SPCS1: variants seen among roughly 807,000 people sequenced by gnomAD.
SPCS1 encodes the protein SPase 12 kDa subunit.
In SPCS1, 10 loss-of-function variants were observed where a neutral mutation model predicts 16.4. The ratio of observed to expected loss-of-function variants is 0.61; its 90% confidence interval spans 0.38 to 1.03. The LOEUF is 1.03. Among genes scored for constraint, SPCS1 ranks in the 50% least tolerant of loss-of-function variants. The probability of loss-of-function intolerance (pLI) is 0.01; values close to 1 mark genes in which losing one functional copy is unlikely to be tolerated. For synonymous variants in SPCS1, 47 were observed against 42.5 expected, an observed-to-expected ratio of 1.10 and a Z score of -0.41; for missense variants, 118 against 123.8, an observed-to-expected ratio of 0.95 and a Z score of 0.22.
At chr3:52,707,567 T>A in intron 3 of SPCS1, 120 bp from the exon 4 acceptor site, 1 of 813,560 alleles carries the variant, frequency 1.2e-6, no homozygotes, top group Non-Finnish European at 1.7e-6. Flanking sequence ...GAATATGGAT[T>A]TTTTTTTTTG....
chr3:52,706,623 T>C, intron 1 of SPCS1, 21 bp from the exon 2 acceptor site: 1 of 1,612,584 alleles, frequency 6.2e-7, no homozygotes, highest in Non-Finnish European at 8.5e-7. Flanking sequence ...CCAATTCTTT[T>C]TTTCCTCTGC....
Position 52,710,049 on chromosome 3 carries a change from A to G in SPCS1, c.*2237A>G, listed in dbSNP as rs1226152379. The G allele has an allele frequency of 6.6e-6, 1 of 152,238 alleles. No homozygotes were observed. The highest frequency in any genetic ancestry group is 1.5e-5 in the Non-Finnish European group (1 of 68,086). 9.4% of individuals were successfully genotyped at this position (152,238 alleles called of 1,614,324 possible). On this transcript the variant is annotated 3_prime_UTR_variant, in exon 4 of 4. Coordinates refer to ENST00000619898, the MANE Select transcript of SPCS1 (RefSeq NM_014041.5). ...CAGCTCCTGGCAGAGAACCTGGCAC[A>G]CAGTAAACTCTAAATAAAAATCTGT...
rs1163028453 is a variant in SPCS1 at position 52,709,899 on chromosome 3, G to C, written c.*2087G>C. ...AAGATTTGTTCCCAACTGGGCATTG[G>C]GACTTGATGGTTTTGCAAGTTGAGT... On this transcript the variant is annotated 3_prime_UTR_variant, in exon 4 of 4. Coordinates refer to ENST00000619898, the MANE Select transcript of SPCS1 (RefSeq NM_014041.5). The C allele has an allele frequency of 1.3e-5, 2 of 152,094 alleles. No homozygotes were observed. The highest frequency in any genetic ancestry group is 3.9e-4 in the East Asian group (2 of 5,192). 9.4% of individuals were successfully genotyped at this position (152,094 alleles called of 1,614,324 possible). A position where few individuals can be genotyped will look rare whatever the true frequency, so the allele number is the denominator to read the frequency against.
In SPCS1 at chr3:52,706,120, C is replaced by A; in HGVS notation, c.-127C>A. 6.5e-7 allele frequency: 1 copy of A among 1,539,884 alleles called. No individual in the cohort carries two copies. Among genetic ancestry groups the A allele is most frequent in the Non-Finnish European group, 8.7e-7 (1 of 1,146,784 alleles). On this transcript the variant is annotated 5_prime_UTR_variant, in exon 1 of 4. Coordinates refer to ENST00000619898, the MANE Select transcript of SPCS1 (RefSeq NM_014041.5). ...CTTCCGGGGCCGCCGCCATCGCTCT[C>A]CCGGGCTTAGAAGGCCCGGCTACTG... is the stretch of plus-strand genomic sequence containing the variant.
intron 3 of SPCS1, chr3:52,707,476 T>C (rs565826236): frequency 2.1e-6 from 1 of 486,710 alleles, no homozygotes; most frequent in South Asian, 3.1e-5. Context: ...TTTTAGGTCT[T>C]AAAGCCATTT....
intron 1 of SPCS1, 91 bp from the exon 2 acceptor site, chr3:52,706,553 G>T: frequency 8.1e-7 from 1 of 1,236,972 alleles, no homozygotes; most frequent in Non-Finnish European, 1.2e-6. Context: ...CTGATGTTGG[G>T]GTTACCCTGT....
At chr3:52,706,760 T>C in intron 2 of SPCS1, 33 bp from the exon 3 acceptor site, 1 of 1,610,574 alleles carries the variant, frequency 6.2e-7, no homozygotes, top group Non-Finnish European at 8.5e-7. Flanking sequence ...ACCCTCAGTT[T>C]GAGTGTGTTT....
In SPCS1 at chr3:52,708,327, G is replaced by T. The variant is rs1328140865; in HGVS notation, c.*515G>T. On this transcript the variant is annotated 3_prime_UTR_variant, in exon 4 of 4. Coordinates refer to ENST00000619898, the MANE Select transcript of SPCS1 (RefSeq NM_014041.5). Reference sequence around the variant, plus strand: ...GCAGGAGGATGACTTGAGCCCAGGAGTTTGAGACATTTCATGGTATGTAAT... The same window carrying T: ...GCAGGAGGATGACTTGAGCCCAGGATTTTGAGACATTTCATGGTATGTAAT... The T allele has an allele frequency of 1.3e-5, 2 of 153,502 alleles. No individual in the cohort carries two copies. The highest frequency in any genetic ancestry group is 4.8e-5 in the African/African-American group (2 of 41,400). 9.5% of individuals were successfully genotyped at this position (153,502 alleles called of 1,614,324 possible). A position where few individuals can be genotyped will look rare whatever the true frequency, so the allele number is the denominator to read the frequency against.
chr3:52,709,863 C>T lies in SPCS1; in HGVS notation c.*2051C>T, dbSNP rs2097348661. 6.6e-6 allele frequency: 1 copy of T among 151,928 alleles called. No homozygotes were observed. Among genetic ancestry groups the T allele is most frequent in the Non-Finnish European group, 1.5e-5 (1 of 68,012 alleles). The allele number at this position is 151,928 out of a possible 1,614,324, so 9.4% of individuals were successfully genotyped here. Reference sequence around the variant, plus strand: ...GGAAAGGTGAATAGCTCAAGGATACCAAGTTTGCCAAAGATTTGTTCCCAA... The same window carrying T: ...GGAAAGGTGAATAGCTCAAGGATACTAAGTTTGCCAAAGATTTGTTCCCAA... On this transcript the variant is annotated 3_prime_UTR_variant, in exon 4 of 4. Transcript: ENST00000619898.
At position 52,706,130 on chromosome 3, in the gene SPCS1, G is replaced by T; in HGVS notation, c.-117G>T. ...CGCCGCCATCGCTCTCCCGGGCTTA[G>T]AAGGCCCGGCTACTGACGCGCAGTG... On this transcript the variant is annotated 5_prime_UTR_variant, in exon 1 of 4. Transcript: ENST00000619898. The T allele has an allele frequency of 6.5e-7, 1 of 1,540,520 alleles. No homozygotes were observed.
chr3:52,706,956 A>G (rs1323294695), intron 3 of SPCS1, 77 bp downstream of exon 3: 20 of 1,014,904 alleles, frequency 2.0e-5, no homozygotes, highest in Non-Finnish European at 3.0e-5. Context: ...CTCAGTAGTG[A>G]GACCCAAAGC....
At chr3:52,707,604 C>T in intron 3 of SPCS1, 83 bp from the exon 4 acceptor site, 1 of 1,445,114 alleles carries the variant, frequency 6.9e-7, no homozygotes. Context: ...GCATAGGAGT[C>T]ATTTGGGAAC....
In SPCS1 at chr3:52,707,685, A is replaced by T; in HGVS notation, c.184-2A>T. ...TTATGCATTTCCTCTTTTCTGGCCC[A>T]GCTGACACTTCCTCCATGGCCCATC... On this transcript the variant is annotated splice_acceptor_variant, in intron 3 of 3. Transcript: ENST00000619898. LOFTEE classifies it high-confidence loss of function. 6.2e-7 allele frequency: 1 copy of T among 1,613,204 alleles called. No homozygotes were observed. Among genetic ancestry groups the T allele is most frequent in the Non-Finnish European group, 8.5e-7 (1 of 1,179,696 alleles).
rs2097344439 is a variant in SPCS1 at position 52,706,142 on chromosome 3, A to G, written c.-105A>G. The G allele has an allele frequency of 1.3e-6, 2 of 1,541,412 alleles. No individual in the cohort carries two copies. Among genetic ancestry groups the G allele is most frequent in the Non-Finnish European group, 1.7e-6 (2 of 1,147,320 alleles). ...TCTCCCGGGCTTAGAAGGCCCGGCT[A>G]CTGACGCGCAGTGCCAGACCTTACC... On this transcript the variant is annotated 5_prime_UTR_variant, in exon 1 of 4. Coordinates refer to ENST00000619898, the MANE Select transcript of SPCS1 (RefSeq NM_014041.5).
Position 52,706,240 on chromosome 3 carries a change from G to C in SPCS1, c.-7G>C, listed in dbSNP as rs775889491. The C allele has an allele frequency of 1.3e-6, 2 of 1,591,188 alleles. No homozygotes were observed. The highest frequency in any genetic ancestry group is 3.4e-5 in the Admixed American group (2 of 59,098). ...CCGCGCTCAGCTGCCCGCCTCCTCA[G>C]CCAGCCATGCTGGAGCATCTGAGCT... On this transcript the variant is annotated 5_prime_UTR_variant, in exon 1 of 4. Coordinates refer to ENST00000619898, the MANE Select transcript of SPCS1 (RefSeq NM_014041.5).
intron 1 of SPCS1, 162 bp downstream of exon 1, chr3:52,706,444 G>A: frequency 1.2e-6 from 1 of 854,688 alleles, no homozygotes. Context: ...CTTCTACTCC[G>A]CGAGAATCTC....
At position 52,706,851 on chromosome 3, in the gene SPCS1, T is replaced by C. The variant is rs2154101291; in HGVS notation, c.155T>C (p.Val52Ala). 1 of 1,614,100 alleles carries C rather than the reference T, an allele frequency of 6.2e-7. No homozygotes were observed. The highest frequency in any genetic ancestry group is 8.5e-7 in the Non-Finnish European group (1 of 1,179,952). ...AEQFGWTVYI[V>A]MAGFAFSCLL... Reference sequence around the variant, plus strand: ...CAGTTCGGGTGGACTGTCTATATAGTTATGGCCGGATTTGCTTTTTCATGT... The same window carrying C: ...CAGTTCGGGTGGACTGTCTATATAGCTATGGCCGGATTTGCTTTTTCATGT... Residue 52 changes from valine (V) to alanine (A), a missense_variant, in exon 3 of 4, where the codon GTT (valine) becomes GCT (alanine). By Grantham distance (64) the Val-to-Ala change is moderately conservative. Coordinates refer to ENST00000619898, the MANE Select transcript of SPCS1 (RefSeq NM_014041.5).
Position 52,706,834 on chromosome 3 carries a change from G to A in SPCS1, c.138G>A (p.Gly46=), listed in dbSNP as rs1180549663. The stretch of plus-strand genomic sequence containing the variant: ...ACGGGTACGTGGCTGAACAGTTCGG[G>A]TGGACTGTCTATATAGTTATGGCCG... The part of the protein sequence containing the change: ...FIYGYVAEQF[G]WTVYIVMAGF... Residue 46 remains glycine (G), a synonymous_variant, in exon 3 of 4, where the codon GGG becomes GGA. Coordinates refer to ENST00000619898, the MANE Select transcript of SPCS1 (RefSeq NM_014041.5). The A allele has an allele frequency of 1.9e-6, 3 of 1,613,990 alleles. No individual in the cohort carries two copies. The highest frequency in any genetic ancestry group is 2.5e-6 in the Non-Finnish European group (3 of 1,179,988).
At chr3:52,706,755 C>T in intron 2 of SPCS1, 38 bp from the exon 3 acceptor site, 1 of 1,609,400 alleles carries the variant, frequency 6.2e-7, no homozygotes, top group Non-Finnish European at 8.5e-7. Context: ...TCCCAACCCT[C>T]AGTTTGAGTG....
Sources: gnomAD v4.1 joint callset for allele counts on GRCh38, gnomAD v4.1.1 for gene constraint, MANE v1.5 for transcripts, NCBI Gene and HGNC (gene_info 2026-07-23, HGNC 2026-07-21) for gene names.